The following DGKB variants were observed in gnomAD, a reference collection of about 807,000 sequenced individuals.
The protein encoded by DGKB is diacylglycerol kinase beta, also known as 90 kDa diacylglycerol kinase.
DGKB carries 67 observed loss-of-function variants against 114.3 expected under a neutral mutation model. The ratio of observed to expected loss-of-function variants is 0.59; its 90% confidence interval spans 0.48 to 0.72. DGKB has a LOEUF of 0.72. Among genes scored for constraint, DGKB ranks in the 30% least tolerant of loss-of-function variants. The pLI is 0.00. For missense variants in DGKB, 907 were observed against 975.2 expected, an observed-to-expected ratio of 0.93 and a Z score of 0.93; for synonymous variants, 398 against 323.1, an observed-to-expected ratio of 1.23 and a Z score of -2.49.
intron 1 of DGKB, among the ~76,000 whole-genome samples, chr7:14,968,366 C>G (rs138756512): frequency 6.6e-6 from 1 of 151,966 alleles, no homozygotes; most frequent in African/African-American, 2.4e-5. Flanking sequence ...ATATTGTATT[C>G]ACAGTAAAAA....
intron 21 of DGKB, among the ~76,000 whole-genome samples, chr7:14,410,241 T>A (rs543004942): frequency 6.6e-6 from 1 of 151,446 alleles, no homozygotes; most frequent in Non-Finnish European, 1.5e-5. Context: ...CATGCACACA[T>A]GTATATATAT....
chr7:14,689,325 C>A (rs1830029), intron 9 of DGKB, among the ~76,000 whole-genome samples: 1 of 150,982 alleles, frequency 6.6e-6, no homozygotes, highest in Non-Finnish European at 1.5e-5. Context: ...CCTGCCTTCA[C>A]CCACTGCGCC....
At chr7:14,511,739 GA>G (rs1244461496) in intron 20 of DGKB, among the ~76,000 whole-genome samples, 4 of 152,252 alleles carry the variant, frequency 2.6e-5, no homozygotes, top group Admixed American at 6.5e-5. Flanking sequence ...GCTTTTGATA[GA>G]AAGTGACAGA....
At chr7:14,279,517 G>A (rs114790736) in intron 23 of DGKB, among the ~76,000 whole-genome samples, 2 of 152,226 alleles carry the variant, frequency 1.3e-5, no homozygotes, top group East Asian at 3.9e-4. Context: ...GGTTCTCCCA[G>A]TACGCAGCTG....
chr7:14,490,177 C>CA (rs1784407610), intron 20 of DGKB, among the ~76,000 whole-genome samples: 1 of 151,892 alleles, frequency 6.6e-6, no homozygotes, highest in Non-Finnish European at 1.5e-5. Flanking sequence ...CATAACTCAG[C>CA]AAAAATCAAG....
chr7:14,315,783 C>G (rs1223761430), intron 23 of DGKB, among the ~76,000 whole-genome samples: 1 of 151,480 alleles, frequency 6.6e-6, no homozygotes, highest in Non-Finnish European at 1.5e-5. Context: ...CCAAGCGGAC[C>G]TAATAGACAT....
At chr7:14,908,691 T>A (rs995048357) in intron 1 of DGKB, among the ~76,000 whole-genome samples, 3 of 152,162 alleles carry the variant, frequency 2.0e-5, no homozygotes, top group African/African-American at 7.2e-5. Flanking sequence ...TAGAGCTATT[T>A]TTTATTAAAT....
At position 14,837,162 on chromosome 7, in the gene DGKB, C is replaced by T. The variant is rs533550409; in HGVS notation, c.70+4032G>A. Among the ~76,000 whole-genome samples the T allele has an allele frequency of 5.3e-5, 8 of 152,246 alleles. No individual in the cohort carries two copies. The South Asian group carries it at 1.0e-3, about 20-fold the overall frequency. On this transcript the variant is annotated intron_variant, in intron 2 of 25. Coordinates refer to ENST00000402815, the MANE Select transcript of DGKB (RefSeq NM_001350709.2). ...TATTAAGTTACCCAAAGTCAGATAT[C>T]TGAAGTATGGTAGGATCAGTATTTA...
rs1171257678 is a variant in DGKB, at chr7:14,411,656, T to TTAACCA, written c.1836-66266_1836-66265insTGGTTA. Among the ~76,000 whole-genome samples, 4 of 63,360 alleles carry TTAACCA rather than the reference T, an allele frequency of 6.3e-5. 1 individual carries two copies. Among genetic ancestry groups the TTAACCA allele is most frequent in the East Asian group, 7.3e-4 (2 of 2,730 alleles). The allele number at this position is 63,360 out of a possible 152,430, so 41.6% of individuals were successfully genotyped here. On this transcript the variant is annotated intron_variant, in intron 21 of 25. Coordinates refer to ENST00000402815, the MANE Select transcript of DGKB (RefSeq NM_001350709.2). Reference sequence around the variant, plus strand: ...TAACAACCATCTTTCAAGGTGGCTGTAAGATAAACAGTATAATACACACAT... The same window carrying TTAACCA: ...TAACAACCATCTTTCAAGGTGGCTGTTAACCAAAGATAAACAGTATAATACACACAT...
At chr7:14,931,973 T>C (rs1587406119) in intron 1 of DGKB, among the ~76,000 whole-genome samples, 1 of 152,106 alleles carries the variant, frequency 6.6e-6, no homozygotes, top group East Asian at 1.9e-4. Context: ...TACCTGAGTT[T>C]CTCCAACAGC....
intron 23 of DGKB, among the ~76,000 whole-genome samples, chr7:14,231,705 A>G (rs1352895961): frequency 3.3e-5 from 5 of 151,962 alleles, no homozygotes; most frequent in African/African-American, 4.8e-5. Context: ...TATACAGAAA[A>G]AAAAATAAAA....
At chr7:14,749,248 T>C (rs1160999861) in intron 4 of DGKB, among the ~76,000 whole-genome samples, 2 of 152,198 alleles carry the variant, frequency 1.3e-5, no homozygotes, top group African/African-American at 4.8e-5. Context: ...GACTATTCAT[T>C]ATTTCAAATT....
chr7:14,423,595 G>A (rs1467249376), intron 21 of DGKB, among the ~76,000 whole-genome samples: 2 of 152,006 alleles, frequency 1.3e-5, no homozygotes, highest in South Asian at 2.1e-4. Context: ...TATTTTGAGA[G>A]CCTTTACAAT....
At chr7:14,192,730 T>G (rs1249934248) in intron 23 of DGKB, among the ~76,000 whole-genome samples, 1 of 152,094 alleles carries the variant, frequency 6.6e-6, no homozygotes, top group Non-Finnish European at 1.5e-5. Context: ...TTATTAGCAC[T>G]TTATTTATAT....
In DGKB at chr7:14,486,621, G is replaced by A. The variant is rs369359559; in HGVS notation, c.1771-8396C>T. ...CTCCACTAGAAGAAAGAGGGCAAGG[G>A]AACTTTGCTGTCTTCTATACAGGAC... On this transcript the variant is annotated intron_variant, in intron 20 of 25. Coordinates refer to ENST00000402815, the MANE Select transcript of DGKB (RefSeq NM_001350709.2). Among the ~76,000 whole-genome samples the A allele has an allele frequency of 4.6e-5, 7 of 152,258 alleles. No individual in the cohort carries two copies. The East Asian group carries it at 1.2e-3, about 25-fold the overall frequency.
intron 2 of DGKB, among the ~76,000 whole-genome samples, chr7:14,786,749 CT>C (rs1230195679): frequency 6.9e-6 from 1 of 144,092 alleles, no homozygotes; most frequent in Non-Finnish European, 1.5e-5. Context: ...CATCAGCCCC[CT>C]GTCACCTCAG....
chr7:14,663,367 T>C lies in DGKB; in HGVS notation c.1134+9562A>G, dbSNP rs76104677. On this transcript the variant is annotated intron_variant, in intron 13 of 25. Coordinates refer to ENST00000402815, the MANE Select transcript of DGKB (RefSeq NM_001350709.2). Reference sequence around the variant, plus strand: ...CAATAGACTTAGTTCAAATGCCTGTTTAGGTCTCTTGCCCTTTTCAACTGA... The same window carrying C: ...CAATAGACTTAGTTCAAATGCCTGTCTAGGTCTCTTGCCCTTTTCAACTGA... 4.9e-3 allele frequency among the ~76,000 whole-genome samples: 741 copies of C among 152,180 alleles called. 8 individuals are homozygous for C. Among genetic ancestry groups the C allele is most frequent in the African/African-American group, 0.017 (688 of 41,562 alleles).
chr7:14,149,268 A>AG, intron 25 of DGKB, 30 bp from the exon 26 acceptor site: 1 of 1,414,512 alleles, frequency 7.1e-7, no homozygotes, highest in Non-Finnish European at 9.9e-7. Flanking sequence ...GAGAGAGAGA[A>AG]AGAATAGAGT....
rs1033625115 is a variant in DGKB, at chr7:14,775,713, G to A, written c.71-17982C>T. 3.3e-5 allele frequency among the ~76,000 whole-genome samples: 5 copies of A among 151,994 alleles called. No homozygotes were observed. In the East Asian group the frequency reaches 5.9e-4, roughly 18 times the overall value. On this transcript the variant is annotated intron_variant, in intron 2 of 25. Transcript: ENST00000402815. ...GTTTGATTCTTTTTCTGCCATGATT[G>A]TAAGTTTCCTGAGGCCTCCCCAGCC... is the stretch of plus-strand genomic sequence containing the variant.
Sources: allele counts gnomAD v4.1 joint callset (sites outside exome capture counted in the v4.1 genomes callset), GRCh38; gene constraint gnomAD v4.1.1; transcripts MANE v1.5; gene names NCBI Gene and HGNC (gene_info 2026-07-23, HGNC 2026-07-21).